The following GAS2L2 variants were observed in gnomAD, a reference collection of about 807,000 sequenced individuals.
The protein encoded by GAS2L2 is growth arrest specific 2 like 2.
Under a neutral mutation model 35.2 loss-of-function variants are expected in GAS2L2, and 21 were observed. The observed-to-expected ratio is 0.60, with a 90% CI of 0.42 to 0.86. The LOEUF (loss-of-function observed/expected upper bound fraction) is 0.86, where lower values mean the gene tolerates loss of function less well. Among genes scored for constraint, GAS2L2 ranks in the 40% least tolerant of loss-of-function variants. The pLI is 0.00. For missense variants in GAS2L2, 1,169 were observed against 1,144.4 expected, an observed-to-expected ratio of 1.02 and a Z score of -0.31; for synonymous variants, 490 against 473.2, an observed-to-expected ratio of 1.04 and a Z score of -0.46.
At position 35,744,740 on chromosome 17, in the gene GAS2L2, GC is replaced by G; in HGVS notation, c.*113del. On this transcript the variant is annotated 3_prime_UTR_variant, in exon 6 of 6. Coordinates refer to ENST00000604641, the MANE Select transcript of GAS2L2 (RefSeq NM_139285.4). ...TATATTTGTCTTCTGACCCACTCCT[GC>G]CCAAGGCCCTGTGTGGAGGTGAGGG... 1.2e-6 allele frequency: 1 copy of G among 820,392 alleles called. No homozygotes were observed. The allele number at this position is 820,392 out of a possible 1,614,324, so 50.8% of individuals were successfully genotyped here. A position where few individuals can be genotyped will look rare whatever the true frequency, so the allele number is the denominator to read the frequency against.
At position 35,746,114 on chromosome 17, in the gene GAS2L2, G is replaced by A; in HGVS notation, c.1383C>T (p.Ser461=). 3 of 1,514,472 alleles carry A rather than the reference G, an allele frequency of 2.0e-6. No homozygotes were observed. The highest frequency in any genetic ancestry group is 1.3e-5 in the South Asian group (1 of 74,370). 93.8% of individuals were successfully genotyped at this position (1,514,472 alleles called of 1,614,324 possible). ...GGCCCAGGCACTCGGCTGGGCCAAAGGAACGAGGCAGGGGAGATGGTCCTC... is the reference window on the plus strand; with the variant it reads ...GGCCCAGGCACTCGGCTGGGCCAAAAGAACGAGGCAGGGGAGATGGTCCTC... The part of the protein sequence containing the change: ...SARGPSPLPR[S]FGPAECLGLR... The change falls in exon 6 of 6, where the codon TCC becomes TCT. Residue 461 remains serine, a synonymous_variant. Coordinates refer to ENST00000604641, the MANE Select transcript of GAS2L2 (RefSeq NM_139285.4).
chr17:35,748,046 A>G (rs1028527865), intron 3 of GAS2L2, 101 bp from the exon 4 acceptor site: 9 of 781,092 alleles, frequency 1.2e-5, no homozygotes, highest in Non-Finnish European at 2.0e-5. Context: ...GCTCTCATCC[A>G]TGTACCCATC....
rs1568104875 is a variant in GAS2L2 at position 35,750,246 on chromosome 17, T to C, written c.458A>G (p.Glu153Gly). The change falls in exon 2 of 6, where the codon GAG becomes GGG. Residue 153 changes from glutamate (E) to glycine (G), a missense_variant. Coordinates refer to ENST00000604641, the MANE Select transcript of GAS2L2 (RefSeq NM_139285.4). Reference sequence around the variant, plus strand: ...AAAGCGCCACGCCCGGCGGCCCAGCTCCAGCAAACACAGCACCACGTTCTT... The same window carrying C: ...AAAGCGCCACGCCCGGCGGCCCAGCCCCAGCAAACACAGCACCACGTTCTT... ...NVKNVVLCLL[E>G]LGRRAWRFGV... 6.2e-7 allele frequency: 1 copy of C among 1,613,996 alleles called. No homozygotes were observed. The highest frequency in any genetic ancestry group is 8.5e-7 in the Non-Finnish European group (1 of 1,179,940).
intron 2 of GAS2L2, among the ~76,000 whole-genome samples, chr17:35,749,753 G>T (rs782518085): frequency 2.0e-5 from 3 of 152,170 alleles, no homozygotes; most frequent in Non-Finnish European, 4.4e-5. Context: ...CAAAGCAGTG[G>T]AACTAAGACT....
Position 35,746,243 on chromosome 17 carries a change from T to A in GAS2L2, c.1254A>T (p.Thr418=), listed in dbSNP as rs1419761333. 6.8e-7 allele frequency: 1 copy of A among 1,473,636 alleles called. No individual in the cohort carries two copies. The highest frequency in any genetic ancestry group is 9.0e-7 in the Non-Finnish European group (1 of 1,111,310). The allele number at this position is 1,473,636 out of a possible 1,614,324, so 91.3% of individuals were successfully genotyped here. Residue 418 remains threonine, a synonymous_variant, in exon 6 of 6, where the codon ACA becomes ACT. Transcript: ENST00000604641. ...PPELPRGRIP[T]SWVHEETDSW... is the part of the protein sequence containing the mutation. ...TGTCTGTTTCTTCATGAACCCAAGATGTGGGAATCCTTCCCCTGGGGAGTT... is the reference window on the plus strand; with the variant it reads ...TGTCTGTTTCTTCATGAACCCAAGAAGTGGGAATCCTTCCCCTGGGGAGTT...
Position 35,745,458 on chromosome 17 carries a change from G to A in GAS2L2, c.2039C>T (p.Ser680Phe), listed in dbSNP as rs1321063323. 1.3e-6 allele frequency: 2 copies of A among 1,586,498 alleles called. No individual in the cohort carries two copies. The highest frequency in any genetic ancestry group is 4.5e-5 in the East Asian group (2 of 44,568). ...LEAWKAAPTGSPKPAVTPGPG... is the reference protein window; with the variant it reads ...LEAWKAAPTGFPKPAVTPGPG... ...TCCTGGGGTAACAGCTGGCTTAGGG[G>A]AGCCAGTCGGGGCTGCCTTCCAGGC... Residue 680 changes from serine (S) to phenylalanine (F), a missense_variant, in exon 6 of 6, where the codon TCC becomes TTC. Coordinates refer to ENST00000604641, the MANE Select transcript of GAS2L2 (RefSeq NM_139285.4).
chr17:35,746,856 C>T (rs1486193042), intron 5 of GAS2L2, among the ~76,000 whole-genome samples, 160 bp downstream of exon 5: 2 of 152,196 alleles, frequency 1.3e-5, no homozygotes, highest in Non-Finnish European at 2.9e-5. Flanking sequence ...GAAGTAACCA[C>T]ATTATCCCAA....
rs587736884 is a variant in GAS2L2 at position 35,752,828 on chromosome 17, C to T, written c.23G>A (p.Arg8Lys). ...CGGCCCTAGGGTCCTGGGCTTCCTC[C>T]TGCCTCCCGCAGGCTGGGACATGGC... MSQPAGG[R>K]RKPRTLGPPV... Residue 8 changes from arginine (R) to lysine (K), a missense_variant, in exon 1 of 6, where the codon AGG becomes AAG. Arg to Lys is a conservative substitution (Grantham distance 26). Coordinates refer to ENST00000604641, the MANE Select transcript of GAS2L2 (RefSeq NM_139285.4). 4 of 1,599,560 alleles carry T rather than the reference C, an allele frequency of 2.5e-6. No homozygotes were observed. Among genetic ancestry groups the T allele is most frequent in the South Asian group, 2.2e-5 (2 of 90,874 alleles).
chr17:35,746,886 G>T, intron 5 of GAS2L2, 130 bp downstream of exon 5: 1 of 894,196 alleles, frequency 1.1e-6, no homozygotes, highest in Non-Finnish European at 1.7e-6. Context: ...GTATGCTTCT[G>T]GTTCCAAAAC....
chr17:35,752,395 T>C, intron 1 of GAS2L2, 71 bp downstream of exon 1: 1 of 1,453,622 alleles, frequency 6.9e-7, no homozygotes, highest in Non-Finnish European at 9.3e-7. Flanking sequence ...AGCTAGCCTG[T>C]GCATTTGAGA....
At chr17:35,747,701 T>G in intron 4 of GAS2L2, 148 bp downstream of exon 4, 1 of 654,038 alleles carries the variant, frequency 1.5e-6, no homozygotes, top group East Asian at 2.7e-5. Flanking sequence ...AACTACTGCC[T>G]GCCTTCCTCC....
intron 2 of GAS2L2, among the ~76,000 whole-genome samples, chr17:35,749,715 AAAT>A (rs1431372570): frequency 6.6e-6 from 1 of 152,208 alleles, no homozygotes; most frequent in African/African-American, 2.4e-5. Context: ...CAGAGAGGTT[AAAT>A]AATTTGCCCA....
At position 35,747,923 on chromosome 17, in the gene GAS2L2, A is replaced by G; in HGVS notation, c.758T>C (p.Val253Ala). The change falls in exon 4 of 6, where the codon GTA becomes GCA. Residue 253 changes from valine to alanine, a missense_variant. This residue lies in a region of GAS2L2 where 1,035 missense variants were observed against 976.5 expected (regional missense o/e 1.06). Coordinates refer to ENST00000604641, the MANE Select transcript of GAS2L2 (RefSeq NM_139285.4). ...FIRILRNHVM[V>A]RVGGGWDTLG... ...TGTGTCCCAGCCGCCCCCTACACGTACCATCACATGGTTCCGGAGGATCTG... is the reference window on the plus strand; with the variant it reads ...TGTGTCCCAGCCGCCCCCTACACGTGCCATCACATGGTTCCGGAGGATCTG... The G allele has an allele frequency of 6.2e-7, 1 of 1,613,768 alleles. No homozygotes were observed. Among genetic ancestry groups the G allele is most frequent in the Non-Finnish European group, 8.5e-7 (1 of 1,179,852 alleles).
intron 4 of GAS2L2, among the ~76,000 whole-genome samples, 176 bp from the exon 5 acceptor site, chr17:35,747,444 G>T (rs587601775): frequency 5.1e-4 from 78 of 152,278 alleles, no homozygotes; most frequent in African/African-American, 1.5e-3. Context: ...CCAGCTGGGG[G>T]ATTTATTTAA....
rs2085675054 is a variant in GAS2L2, at chr17:35,747,270, T to C, written c.833-2A>G. 2 of 1,606,836 alleles carry C rather than the reference T, an allele frequency of 1.2e-6. No individual in the cohort carries two copies. Among genetic ancestry groups the C allele is most frequent in the Non-Finnish European group, 1.7e-6 (2 of 1,175,716 alleles). ...TCAGGAAGCTGCCTGGCTTGTGTGC[T>C]ACCAACAGTCCCCCGGAGAAAGGAG... is the stretch of plus-strand genomic sequence containing the variant. On this transcript the variant is annotated splice_acceptor_variant, in intron 4 of 5. Transcript: ENST00000604641. LOFTEE classifies it high-confidence loss of function.
Position 35,744,834 on chromosome 17 carries a change from A to G in GAS2L2, c.*20T>C. The G allele has an allele frequency of 6.5e-7, 1 of 1,540,530 alleles. No homozygotes were observed. The highest frequency in any genetic ancestry group is 8.8e-7 in the Non-Finnish European group (1 of 1,137,128). On this transcript the variant is annotated 3_prime_UTR_variant, in exon 6 of 6. Coordinates refer to ENST00000604641, the MANE Select transcript of GAS2L2 (RefSeq NM_139285.4). ...TGGCCATCCTTTTTGCTTCCCTCCT[A>G]CCCAACACGCTCATGTGCCTCAGAC...
chr17:35,747,237 CG>C lies in GAS2L2; in HGVS notation c.863del (p.Pro288ArgfsTer9). 1.9e-6 allele frequency: 3 copies of C among 1,612,402 alleles called. No individual in the cohort carries two copies. The highest frequency in any genetic ancestry group is 1.7e-5 in the Admixed American group (1 of 59,864). On this transcript the variant is annotated frameshift_variant, in exon 5 of 6. Transcript: ENST00000604641. LOFTEE classifies it high-confidence loss of function. Reference sequence around the variant, plus strand: ...TTACTTCATGCTGCACTGGTGGGGCCGGGGGCTTCAGGAAGCTGCCTGGCTT... The same window carrying C: ...TTACTTCATGCTGCACTGGTGGGGCCGGGGCTTCAGGAAGCTGCCTGGCTT... ...SHKPGSFLKPPAPPVQHEVRV... is the reference protein window; with the variant it reads ...SHKPGSFLKPXAPPVQHEVRV...
intron 5 of GAS2L2, 117 bp downstream of exon 5, chr17:35,746,899 G>T (rs1282693043): frequency 1.9e-6 from 2 of 1,050,038 alleles, no homozygotes; most frequent in Non-Finnish European, 2.7e-6. Context: ...TCCAAAACCT[G>T]TGGTCTCGGG....
At position 35,745,602 on chromosome 17, in the gene GAS2L2, C is replaced by T. The variant is rs782306915; in HGVS notation, c.1895G>A (p.Arg632His). 1.6e-5 allele frequency: 26 copies of T among 1,613,938 alleles called. No homozygotes were observed. In the South Asian group the frequency reaches 1.6e-4, roughly 10 times the overall value. Reference sequence around the variant, plus strand: ...CAGCCTGGGGATGTAGACCCCACTGCGAGGGATGACCCCAGACCTTGTGCC... The same window carrying T: ...CAGCCTGGGGATGTAGACCCCACTGTGAGGGATGACCCCAGACCTTGTGCC... The part of the protein sequence containing the change: ...PQGTRSGVIP[R>H]SGVYIPRLAG... The change falls in exon 6 of 6, where the codon CGC (arginine) becomes CAC (histidine). Residue 632 changes from arginine to histidine, a missense_variant. Arg to His is a conservative substitution (Grantham distance 29, BLOSUM62 0). Transcript: ENST00000604641.
Sources: allele counts gnomAD v4.1 joint callset (sites outside exome capture counted in the v4.1 genomes callset), GRCh38; gene constraint gnomAD v4.1.1; regional missense constraint gnomAD v4.1.1; transcripts MANE v1.5; gene names NCBI Gene and HGNC (gene_info 2026-07-23, HGNC 2026-07-21).